Variants in AP3B1 observed in about 807,000 individuals in gnomAD.
The protein encoded by AP3B1 is adaptor related protein complex 3 subunit beta 1.
In AP3B1, 61 loss-of-function variants were observed where a neutral mutation model predicts 132.5. The ratio of observed to expected loss-of-function variants is 0.46; its 90% CI spans 0.37 to 0.57. The LOEUF (loss-of-function observed/expected upper bound fraction) is 0.57. AP3B1 is among the 20% of genes least tolerant of loss of function. The pLI, the probability that AP3B1 is intolerant of heterozygous loss-of-function variation, is 0.00. For missense variants in AP3B1, 1,120 were observed against 1,289.4 expected, an observed-to-expected ratio of 0.87 and a Z score of 2.01; for synonymous variants, 388 against 438.3, an observed-to-expected ratio of 0.89 and a Z score of 1.43.
intron 23 of AP3B1, among the ~76,000 whole-genome samples, chr5:78,036,622 G>A (rs925612565): frequency 2.6e-5 from 4 of 151,916 alleles, no homozygotes; most frequent in African/African-American, 9.7e-5. Context: ...GTCTCTTTGG[G>A]GAAAATGGAA....
chr5:78,046,319 C>T (rs1045841255), intron 22 of AP3B1, among the ~76,000 whole-genome samples: 25 of 152,178 alleles, frequency 1.6e-4, no homozygotes, highest in African/African-American at 5.6e-4. Flanking sequence ...TTGTGAACTG[C>T]GCATGCGAGG....
At chr5:78,259,984 C>T (rs1748015824) in intron 2 of AP3B1, among the ~76,000 whole-genome samples, 1 of 148,592 alleles carries the variant, frequency 6.7e-6, no homozygotes, top group South Asian at 2.1e-4. Context: ...AAACAAAAAA[C>T]AAAAAAAAAT....
intron 7 of AP3B1, among the ~76,000 whole-genome samples, chr5:78,209,931 A>G (rs1293953150): frequency 1.3e-5 from 2 of 152,234 alleles, no homozygotes; most frequent in Non-Finnish European, 2.9e-5. Context: ...GGAATAAATT[A>G]TAAACAACAA....
rs921430109 is a variant in AP3B1, at chr5:78,190,193, T to C, written c.787-8531A>G. On this transcript the variant is annotated intron_variant, in intron 7 of 26. Transcript: ENST00000255194. Reference sequence around the variant, plus strand: ...TGTTGCTTATAGCTAAAATAGTTCATGTTAATTATCATTTAAAAACATTCC... The same window carrying C: ...TGTTGCTTATAGCTAAAATAGTTCACGTTAATTATCATTTAAAAACATTCC... Among the ~76,000 whole-genome samples the C allele has an allele frequency of 3.9e-5, 6 of 152,304 alleles. No individual in the cohort carries two copies. In the East Asian group the frequency reaches 1.2e-3, roughly 29 times the overall value.
chr5:78,206,157 A>C (rs1745497309), intron 7 of AP3B1, among the ~76,000 whole-genome samples: 1 of 152,184 alleles, frequency 6.6e-6, no homozygotes, highest in Non-Finnish European at 1.5e-5. Flanking sequence ...TGAGAATGAG[A>C]AAAGGTCCAT....
chr5:78,054,027 T>C (rs914563805), intron 22 of AP3B1, among the ~76,000 whole-genome samples: 33 of 152,206 alleles, frequency 2.2e-4, no homozygotes, highest in Admixed American at 7.2e-4. Context: ...TGAAGGGATC[T>C]CAATTTTCAA....
intron 22 of AP3B1, among the ~76,000 whole-genome samples, chr5:78,066,828 T>C (rs1352361659): frequency 6.6e-6 from 1 of 152,100 alleles, no homozygotes; most frequent in Non-Finnish European, 1.5e-5. Flanking sequence ...CCCAGTAAGA[T>C]ACTCCGTGAG....
At chr5:78,061,708 ATCACC>A (rs1355387671) in intron 22 of AP3B1, among the ~76,000 whole-genome samples, 1 of 152,208 alleles carries the variant, frequency 6.6e-6, no homozygotes, top group Non-Finnish European at 1.5e-5. Context: ...ACTGCATATT[ATCACC>A]CATTGACAAA....
chr5:78,249,565 AT>A (rs1183145642), intron 2 of AP3B1, among the ~76,000 whole-genome samples: 1 of 133,546 alleles, frequency 7.5e-6, no homozygotes, highest in Admixed American at 7.5e-5. Flanking sequence ...CTTCAGAATG[AT>A]TTTTTTCTTT....
intron 24 of AP3B1, among the ~76,000 whole-genome samples, 165 bp from the exon 25 acceptor site, chr5:78,020,954 A>C (rs1235244667): frequency 6.6e-6 from 1 of 152,128 alleles, no homozygotes; most frequent in African/African-American, 2.4e-5. Flanking sequence ...CCAAACAAAC[A>C]ACATTACTTG....
chr5:78,229,014 C>G (rs571004063), intron 3 of AP3B1, among the ~76,000 whole-genome samples: 2 of 152,260 alleles, frequency 1.3e-5, no homozygotes, highest in East Asian at 3.9e-4. Context: ...CTCACTGCAG[C>G]CTCAACCTCC....
intron 1 of AP3B1, among the ~76,000 whole-genome samples, chr5:78,277,225 A>C (rs1269501162): frequency 6.6e-6 from 1 of 152,240 alleles, no homozygotes; most frequent in East Asian, 1.9e-4. Flanking sequence ...ATGAAGACTT[A>C]ATAAAATCAT....
At chr5:78,245,135 C>G (rs1747324096) in intron 2 of AP3B1, among the ~76,000 whole-genome samples, 2 of 152,104 alleles carry the variant, frequency 1.3e-5, no homozygotes, top group African/African-American at 4.8e-5. Context: ...GCCAGTTGTA[C>G]TTTTGGAGGC....
intron 6 of AP3B1, chr5:78,222,594 T>G (rs1042926553): frequency 6.6e-6 from 1 of 152,178 alleles, no homozygotes; most frequent in African/African-American, 2.4e-5. Context: ...CTACTTGGTG[T>G]ACTGATAATC....
At chr5:78,166,554 G>A (rs1010225901) in intron 11 of AP3B1, among the ~76,000 whole-genome samples, 4 of 151,474 alleles carry the variant, frequency 2.6e-5, no homozygotes, top group African/African-American at 9.7e-5. Flanking sequence ...ATCTCCAATG[G>A]GCTTGTGAAA....
chr5:78,101,112 T>A, intron 20 of AP3B1, 87 bp from the exon 21 acceptor site: 1 of 751,526 alleles, frequency 1.3e-6, no homozygotes, highest in Non-Finnish European at 2.2e-6. Flanking sequence ...CAAACTTTTT[T>A]TTCCTCTGCT....
At chr5:78,255,670 T>C (rs1185613341) in intron 2 of AP3B1, among the ~76,000 whole-genome samples, 2 of 152,128 alleles carry the variant, frequency 1.3e-5, no homozygotes, top group Non-Finnish European at 2.9e-5. Context: ...CATTCCACTT[T>C]CAGCATCAGA....
chr5:78,157,841 C>T (rs1339305202), intron 13 of AP3B1, among the ~76,000 whole-genome samples: 1 of 152,076 alleles, frequency 6.6e-6, no homozygotes, highest in Non-Finnish European at 1.5e-5. Flanking sequence ...CTTCCACCTC[C>T]CAGATTCAAG....
intron 22 of AP3B1, among the ~76,000 whole-genome samples, chr5:78,057,074 T>C (rs1748845731): frequency 6.6e-6 from 1 of 152,214 alleles, no homozygotes; most frequent in African/African-American, 2.4e-5. Flanking sequence ...GTAGTACTTT[T>C]TGTTTGTTTT....
Sources: gnomAD v4.1 joint callset for allele counts (sites outside exome capture counted in the v4.1 genomes callset) on GRCh38, gnomAD v4.1.1 for gene constraint, MANE v1.5 for transcripts, NCBI Gene and HGNC (gene_info 2026-07-23, HGNC 2026-07-21) for gene names.